Variants in LCOR observed in about 807,000 individuals in gnomAD.
The protein encoded by LCOR is ligand dependent nuclear receptor corepressor, also known as ligand-dependent corepressor.
LCOR carries 14 observed loss-of-function variants against 64.4 expected under a neutral mutation model. The ratio of observed to expected loss-of-function variants is 0.22; its 90% confidence interval spans 0.14 to 0.34. The LOEUF (loss-of-function observed/expected upper bound fraction) is 0.34. Among genes scored for constraint, LCOR ranks in the 10% least tolerant of loss-of-function variants. The pLI is 1.00. For missense variants in LCOR, 1,686 were observed against 1,765.3 expected (o/e 0.96, Z 0.80); for synonymous variants, 643 against 642.5 (o/e 1.00, Z -0.01).
chr10:96,970,624 ATTTAT>A (rs1554841763), intron 7 of LCOR, among the ~76,000 whole-genome samples: 263 of 129,322 alleles, frequency 2.0e-3, no homozygotes, highest in Non-Finnish European at 3.0e-3. Flanking sequence ...ATTTTATTTT[ATTTAT>A]TTTATTTTAT....
chr10:96,895,215 C>T (rs1846516660), intron 2 of LCOR, among the ~76,000 whole-genome samples: 1 of 152,156 alleles, frequency 6.6e-6, no homozygotes, highest in South Asian at 2.1e-4. Context: ...TCAGACTTAT[C>T]CCCAAAGTGA....
Position 96,982,650 on chromosome 10 carries a change from T to C in LCOR, c.2190T>C (p.Ser730=), listed in dbSNP as rs762607465. 103 of 1,614,104 alleles carry C rather than the reference T, an allele frequency of 6.4e-5. No homozygotes were observed. The Middle Eastern group carries it at 2.5e-3, about 39-fold the overall frequency. Residue 730 remains serine (S), a synonymous_variant, in exon 8 of 8, where the codon AGT becomes AGC. Transcript: ENST00000421806. ...AGGCTGAGGACAACCAAAGCATCAGTGCTGAGGTTGAGTCTGGAGACACCC... is the reference window on the plus strand; with the variant it reads ...AGGCTGAGGACAACCAAAGCATCAGCGCTGAGGTTGAGTCTGGAGACACCC... ...LGKAEDNQSI[S]AEVESGDTQE... is the part of the protein sequence containing the mutation.
chr10:96,967,485 A>G (rs1847961874), intron 7 of LCOR, among the ~76,000 whole-genome samples: 1 of 152,098 alleles, frequency 6.6e-6, no homozygotes, highest in South Asian at 2.1e-4. Flanking sequence ...AAGATCACTT[A>G]TTTTTCCTTC....
chr10:96,895,394 T>C (rs1589638531), intron 2 of LCOR, among the ~76,000 whole-genome samples: 1 of 152,208 alleles, frequency 6.6e-6, no homozygotes, highest in African/African-American at 2.4e-5. Flanking sequence ...ATACCCTCTA[T>C]GGGGTCACTA....
rs1848080889 is a variant in LCOR, at chr10:96,981,132, G to A, written c.672G>A (p.Lys224=). Residue 224 remains lysine, a synonymous_variant, in exon 8 of 8, where the codon AAG becomes AAA. Transcript: ENST00000421806. ...SPLHLTEQTP[K]KPPPEINPVD... ...TACACTTGACGGAACAGACCCCGAA[G>A]AAGCCTCCTCCTGAGATAAACCCTG... is the stretch of plus-strand genomic sequence containing the variant. 1.4e-6 allele frequency: 1 copy of A among 705,132 alleles called. No individual in the cohort carries two copies. The highest frequency in any genetic ancestry group is 2.6e-6 in the Non-Finnish European group (1 of 386,926). 43.7% of individuals were successfully genotyped at this position (705,132 alleles called of 1,614,324 possible).
chr10:96,962,653 T>C (rs1032541172), intron 7 of LCOR: 1 of 152,182 alleles, frequency 6.6e-6, no homozygotes, highest in Non-Finnish European at 1.5e-5. Context: ...TCATTGGATA[T>C]TGATATGCTG....
At position 96,902,952 on chromosome 10, in the gene LCOR, C is replaced by G. The variant is rs529416285; in HGVS notation, c.-329-4313C>G. 3.3e-5 allele frequency among the ~76,000 whole-genome samples: 5 copies of G among 152,296 alleles called. No individual in the cohort carries two copies. In the South Asian group the frequency reaches 1.0e-3, roughly 32 times the overall value. ...TAATATAGCCTACTACATACCTAGGCTATTTGGTATAGCCTGTTGCTGCTA... is the reference window on the plus strand; with the variant it reads ...TAATATAGCCTACTACATACCTAGGGTATTTGGTATAGCCTGTTGCTGCTA... On this transcript the variant is annotated intron_variant, in intron 2 of 7. Transcript: ENST00000421806.
chr10:96,843,460 G>A (rs1219424037), intron 2 of LCOR, among the ~76,000 whole-genome samples: 2 of 152,084 alleles, frequency 1.3e-5, no homozygotes, highest in Non-Finnish European at 2.9e-5. Flanking sequence ...GTTGTTTGTA[G>A]GTATTTACCC....
At chr10:96,892,776 A>G (rs1434829817) in intron 2 of LCOR, among the ~76,000 whole-genome samples, 3 of 152,102 alleles carry the variant, frequency 2.0e-5, no homozygotes, top group African/African-American at 7.2e-5. Flanking sequence ...TGCTGTTCGC[A>G]TGGGCTTTTT....
chr10:96,882,348 A>G (rs995170375), intron 2 of LCOR, among the ~76,000 whole-genome samples: 4 of 152,266 alleles, frequency 2.6e-5, no homozygotes, highest in Non-Finnish European at 4.4e-5. Context: ...AAATATTAAA[A>G]TAGCCTTTCA....
At chr10:96,963,309 A>G (rs1372652396) in intron 7 of LCOR, 2 of 152,252 alleles carry the variant, frequency 1.3e-5, no homozygotes, top group Non-Finnish European at 2.9e-5. Flanking sequence ...TGCCACTAAT[A>G]GCCAGCACAA....
At chr10:96,893,326 C>T (rs1846477923) in intron 2 of LCOR, among the ~76,000 whole-genome samples, 1 of 152,174 alleles carries the variant, frequency 6.6e-6, no homozygotes, top group South Asian at 2.1e-4. Context: ...GAAAACATAA[C>T]CTCTCTGCCT....
In LCOR at chr10:96,982,032, C is replaced by A; in HGVS notation, c.1572C>A (p.His524Gln). 1.9e-6 allele frequency: 3 copies of A among 1,614,094 alleles called. No homozygotes were observed. The highest frequency in any genetic ancestry group is 2.5e-6 in the Non-Finnish European group (3 of 1,180,032). The change falls in exon 8 of 8, where the codon CAC becomes CAA. Residue 524 changes from histidine to glutamine, a missense_variant. Physicochemically the swap from His to Gln is conservative, Grantham distance 24. This residue lies in a region of LCOR where 1,293 missense variants were observed against 1,410.4 expected (regional missense o/e 0.92). Coordinates refer to ENST00000421806, the MANE Select transcript of LCOR (RefSeq NM_001346516.2). ...TTCGTACACTGGCCAGAAATTTACA[C>A]TCCCAGGAAAAAGCAAGCTGCTCAG... ...PTVRTLARNL[H>Q]SQEKASCSAL...
At chr10:96,903,214 G>T (rs564022365) in intron 2 of LCOR, among the ~76,000 whole-genome samples, 1 of 152,270 alleles carries the variant, frequency 6.6e-6, no homozygotes, top group East Asian at 1.9e-4. Context: ...CTAGAATGTT[G>T]CTGTACGCTA....
At chr10:96,859,464 A>C (rs889113837) in intron 2 of LCOR, among the ~76,000 whole-genome samples, 4 of 151,830 alleles carry the variant, frequency 2.6e-5, no homozygotes, top group Admixed American at 2.6e-4. Flanking sequence ...CACTTGCCTC[A>C]GCCTCCCAAA....
intron 2 of LCOR, among the ~76,000 whole-genome samples, chr10:96,868,721 A>C (rs894897857): frequency 6.6e-6 from 1 of 152,160 alleles, no homozygotes; most frequent in African/African-American, 2.4e-5. Context: ...CTTTCATAGC[A>C]CTTTTAATGA....
At chr10:96,971,120 A>G (rs1671758778) in intron 7 of LCOR, among the ~76,000 whole-genome samples, 1 of 152,130 alleles carries the variant, frequency 6.6e-6, no homozygotes, top group South Asian at 2.1e-4. Flanking sequence ...TATGTAAACC[A>G]TTTCATCCCA....
At chr10:96,957,010 G>A in intron 7 of LCOR, 1 of 985,224 alleles carries the variant, frequency 1.0e-6, no homozygotes, top group Non-Finnish European at 1.2e-6. Context: ...CATTAATGAA[G>A]GATCCATGTT....
rs1375896298 is a variant in LCOR, at chr10:96,907,698, C to T, written c.-233C>T. 1 of 984,254 alleles carries T rather than the reference C, an allele frequency of 1.0e-6. No homozygotes were observed. Among genetic ancestry groups the T allele is most frequent in the African/African-American group, 1.7e-5 (1 of 57,166 alleles). 61.0% of individuals were successfully genotyped at this position (984,254 alleles called of 1,614,324 possible). On this transcript the variant is annotated 5_prime_UTR_variant, in exon 4 of 8. Coordinates refer to ENST00000421806, the MANE Select transcript of LCOR (RefSeq NM_001346516.2). ...GAACCTGAAAGCATTTCTGATTGGA[C>T]TTTTGATGAAAACTGTTTATTCTGT...
Sources: allele counts gnomAD v4.1 joint callset (sites outside exome capture counted in the v4.1 genomes callset), GRCh38; gene constraint gnomAD v4.1.1; regional missense constraint gnomAD v4.1.1; transcripts MANE v1.5; gene names NCBI Gene and HGNC (gene_info 2026-07-23, HGNC 2026-07-21).